The following KIF1B variants were observed in gnomAD, a reference collection of about 807,000 sequenced individuals.
The protein encoded by KIF1B is kinesin-like protein KIF1B.
KIF1B carries 76 observed loss-of-function variants against 241.9 expected under a neutral mutation model. The observed-to-expected ratio is 0.31, with a 90% CI of 0.26 to 0.38. KIF1B has a LOEUF of 0.38. Ranked by LOEUF, KIF1B falls within the 10% of genes least tolerant of loss-of-function variation. The pLI is 1.00. For synonymous variants in KIF1B, 750 were observed against 796.7 expected, an observed-to-expected ratio of 0.94 and a Z score of 0.99; for missense variants, 1,622 against 2,271.4, an observed-to-expected ratio of 0.71 and a Z score of 5.81.
Position 10,282,449 on chromosome 1 carries a change from T to C in KIF1B, c.1350T>C (p.Ser450=), listed in dbSNP as rs755846137. 1 of 1,614,168 alleles carries C rather than the reference T, an allele frequency of 6.2e-7. No individual in the cohort carries two copies. The highest frequency in any genetic ancestry group is 1.1e-5 in the South Asian group (1 of 91,084). ...CCCCATCTTCCTGCTCACTCAGTAGTCAGGTGGGCTTGACGTCTGTGACCA... is the reference window on the plus strand; with the variant it reads ...CCCCATCTTCCTGCTCACTCAGTAGCCAGGTGGGCTTGACGTCTGTGACCA... The part of the protein sequence containing the change: ...TSSPSSCSLS[S]QVGLTSVTSI... Residue 450 remains serine, a synonymous_variant, in exon 15 of 49, where the codon AGT becomes AGC. Coordinates refer to ENST00000676179, the MANE Select transcript of KIF1B (RefSeq NM_001365951.3).
intron 45 of KIF1B, among the ~76,000 whole-genome samples, chr1:10,373,081 C>G (rs1009410610): frequency 6.6e-6 from 1 of 151,920 alleles, no homozygotes; most frequent in Non-Finnish European, 1.5e-5. Flanking sequence ...TCCCAAAGTG[C>G]TGGGATTACA....
chr1:10,282,525 C>T lies in KIF1B; in HGVS notation c.1426C>T (p.Arg476Cys), dbSNP rs760014398. The change falls in exon 15 of 49, where the codon CGT becomes TGT. Residue 476 changes from arginine to cysteine, a missense_variant. This residue lies in a region of KIF1B where 57 missense variants were observed against 149.0 expected (regional missense o/e 0.38). Transcript: ENST00000676179. ...ACCTGGAGGAGAGGAAGCTATTGAACGTTTAAAGGTAAGTAATAGTTCAGA... is the reference window on the plus strand; with the variant it reads ...ACCTGGAGGAGAGGAAGCTATTGAATGTTTAAAGGTAAGTAATAGTTCAGA... The part of the protein sequence containing the change: ...STPGGEEAIE[R>C]LKESEKIIAE... The T allele has an allele frequency of 6.8e-6, 11 of 1,613,154 alleles. No individual in the cohort carries two copies. The highest frequency in any genetic ancestry group is 9.3e-6 in the Non-Finnish European group (11 of 1,179,182).
At chr1:10,373,775 T>G (rs1013592815) in intron 45 of KIF1B, among the ~76,000 whole-genome samples, 1 of 152,198 alleles carries the variant, frequency 6.6e-6, no homozygotes, top group Admixed American at 6.5e-5. Flanking sequence ...TTTTCTGCCA[T>G]TTTCTAAGGC....
In KIF1B at chr1:10,367,223, G is replaced by A. The variant is rs142742366; in HGVS notation, c.4753-1244G>A. On this transcript the variant is annotated intron_variant, in intron 43 of 48. Coordinates refer to ENST00000676179, the MANE Select transcript of KIF1B (RefSeq NM_001365951.3). ...CGATTCTCCTTCCTCAGCCTCCCAA[G>A]TAGCTTGGAGTACAGGCATGTGCCA... 6.7e-3 allele frequency among the ~76,000 whole-genome samples: 1,012 copies of A among 151,428 alleles called. 10 individuals are homozygous for A. The highest frequency in any genetic ancestry group is 0.037 in the Middle Eastern group (11 of 294).
intron 2 of KIF1B, among the ~76,000 whole-genome samples, chr1:10,238,908 G>A (rs1415484861): frequency 6.6e-6 from 1 of 152,088 alleles, no homozygotes; most frequent in Non-Finnish European, 1.5e-5. Flanking sequence ...GCATACTGCT[G>A]CTTTTGATGG....
intron 22 of KIF1B, chr1:10,304,616 A>G (rs763721844): frequency 2.5e-5 from 41 of 1,613,908 alleles, no homozygotes; most frequent in Admixed American, 1.5e-4. Context: ...TCAGCACCCA[A>G]TCTCAAAGCT....
chr1:10,363,188 C>T (rs796251937), intron 40 of KIF1B, 95 bp from the exon 41 acceptor site: 1 of 902,492 alleles, frequency 1.1e-6, no homozygotes. Flanking sequence ...ATTTGAGTCC[C>T]TGCAGAGAAG....
intron 32 of KIF1B, 145 bp downstream of exon 32, chr1:10,340,004 G>A (rs1569858451): frequency 1.4e-6 from 1 of 739,096 alleles, no homozygotes. Flanking sequence ...GAGTGGTGAG[G>A]TCATCCACAG....
At chr1:10,229,310 A>G (rs1212334181) in intron 1 of KIF1B, among the ~76,000 whole-genome samples, 1 of 152,206 alleles carries the variant, frequency 6.6e-6, no homozygotes, top group Non-Finnish European at 1.5e-5. Context: ...GTAAACATTT[A>G]AAAAACAAAA....
Position 10,345,913 on chromosome 1 carries a change from C to G in KIF1B, c.3757C>G (p.Leu1253Val). The G allele has an allele frequency of 1.2e-6, 2 of 1,614,110 alleles. No homozygotes were observed. The highest frequency in any genetic ancestry group is 1.7e-6 in the Non-Finnish European group (2 of 1,179,946). ...LGQSMSKYDL[L>V]VWFEISELEP... ...CCAGAGCATGAGCAAGTATGACCTC[C>G]TGGTTTGGTTTGAGATCAGTGAACT... Residue 1253 changes from leucine (L) to valine (V), a missense_variant, in exon 35 of 49, where the codon CTG becomes GTG. This residue lies in a region of KIF1B where 803 missense variants were observed against 1,112.0 expected (regional missense o/e 0.72). Coordinates refer to ENST00000676179, the MANE Select transcript of KIF1B (RefSeq NM_001365951.3).
At chr1:10,240,455 G>A (rs1647120414) in intron 2 of KIF1B, among the ~76,000 whole-genome samples, 1 of 151,954 alleles carries the variant, frequency 6.6e-6, no homozygotes, top group African/African-American at 2.4e-5. Context: ...TAATCCACCT[G>A]TCTTGTCCTC....
chr1:10,331,725 G>T (rs568111657), intron 27 of KIF1B, among the ~76,000 whole-genome samples: 3 of 152,300 alleles, frequency 2.0e-5, no homozygotes, highest in African/African-American at 7.2e-5. Context: ...TGATACAAGT[G>T]TCTGTCTTTG....
chr1:10,226,594 A>G (rs1438773610), intron 1 of KIF1B, among the ~76,000 whole-genome samples: 1 of 152,160 alleles, frequency 6.6e-6, no homozygotes, highest in Admixed American at 6.6e-5. Flanking sequence ...CATTTTGGCA[A>G]TCTTGTTCTG....
intron 22 of KIF1B, chr1:10,307,170 A>C: frequency 9.7e-7 from 1 of 1,030,788 alleles, no homozygotes; most frequent in Non-Finnish European, 1.2e-6. Context: ...TGTATGTCCC[A>C]TGATGCATTT....
chr1:10,363,457 C>T (rs899519712), intron 41 of KIF1B, 113 bp downstream of exon 41: 1 of 882,978 alleles, frequency 1.1e-6, no homozygotes, highest in Non-Finnish European at 1.9e-6. Flanking sequence ...TTTGGGAGGC[C>T]AAGGCGGGTG....
rs374305840 is a variant in KIF1B, at chr1:10,326,092, C to T, written c.2676-19C>T. The T allele has an allele frequency of 5.0e-6, 8 of 1,613,512 alleles. No homozygotes were observed. In the African/African-American group the frequency reaches 5.3e-5, roughly 11 times the overall value. ...CTCTCTCCCTGGCTGTGTTAATTGG[C>T]GTCTTACCTGGTGTCTAGCTCCCCC... On this transcript the variant is annotated intron_variant, in intron 26 of 48. Coordinates refer to ENST00000676179, the MANE Select transcript of KIF1B (RefSeq NM_001365951.3). The surrounding 1 kb of genome is among the most constrained non-coding windows in gnomAD (Gnocchi z 5.2).
At chr1:10,260,377 A>T (rs895739267) in intron 4 of KIF1B, among the ~76,000 whole-genome samples, 1 of 152,188 alleles carries the variant, frequency 6.6e-6, no homozygotes, top group African/African-American at 2.4e-5. Flanking sequence ...GTGGTGAGTA[A>T]ATGTGAAGGC....
At chr1:10,275,614 C>A (rs1466008496) in intron 11 of KIF1B, 111 bp downstream of exon 11, 2 of 772,202 alleles carry the variant, frequency 2.6e-6, no homozygotes, top group Non-Finnish European at 4.7e-6. Context: ...ATTCATGTTA[C>A]TACTTGAGTG....
chr1:10,218,618 A>G (rs1379861170), intron 1 of KIF1B, among the ~76,000 whole-genome samples: 47 of 152,084 alleles, frequency 3.1e-4, no homozygotes. Context: ...ACAGCGTTTC[A>G]TCATGTTGGC....
Sources: gnomAD v4.1 joint callset for allele counts (sites outside exome capture counted in the v4.1 genomes callset) on GRCh38, gnomAD v4.1.1 for gene constraint, gnomAD v4.1.1 regional missense constraint, Gnocchi (gnomAD v3.1) non-coding constraint, MANE v1.5 for transcripts, NCBI Gene and HGNC (gene_info 2026-07-23, HGNC 2026-07-21) for gene names.